Variants in ADGRB1 observed in about 807,000 individuals in gnomAD.
ADGRB1 encodes brain-specific angiogenesis inhibitor 1.
In ADGRB1, 36 loss-of-function variants were observed where a neutral mutation model predicts 175.7. That is an observed-to-expected ratio of 0.20 (90% CI 0.16 to 0.27). The LOEUF (loss-of-function observed/expected upper bound fraction) is 0.27, where lower values mean the gene tolerates loss of function less well. ADGRB1 is among the 10% of genes least tolerant of loss of function. ADGRB1 has a pLI of 1.00. For synonymous variants in ADGRB1, 1,054 were observed against 979.4 expected, an observed-to-expected ratio of 1.08 and a Z score of -1.42; for missense variants, 1,731 against 2,255.3, an observed-to-expected ratio of 0.77 and a Z score of 4.71.
At chr8:142,528,878 C>A (rs1409059016) in intron 24 of ADGRB1, among the ~76,000 whole-genome samples, 1 of 152,240 alleles carries the variant, frequency 6.6e-6, no homozygotes, top group Non-Finnish European at 1.5e-5. Context: ...GGGCGTGGGG[C>A]CGGGCCTGGG....
chr8:142,488,217 C>T (rs1419478338), intron 13 of ADGRB1, 147 bp from the exon 14 acceptor site: 4 of 1,131,400 alleles, frequency 3.5e-6, no homozygotes, highest in Non-Finnish European at 3.8e-6. Flanking sequence ...GGGCAGATGG[C>T]CCCCACACTC....
chr8:142,544,241 A>T lies in ADGRB1; in HGVS notation c.4579A>T (p.Asn1527Tyr). The T allele has an allele frequency of 6.5e-7, 1 of 1,549,084 alleles. No individual in the cohort carries two copies. Among genetic ancestry groups the T allele is most frequent in the Non-Finnish European group, 8.7e-7 (1 of 1,146,672 alleles). ...GCAGCCGGAAAAGCAGCAGACGCCC[A>T]ACAAGAGGCCCTGGGAGAGCCTCCG... ...DSKPEKQQTP[N>Y]KRPWESLRKA... Residue 1527 changes from asparagine to tyrosine, a missense_variant, in exon 31 of 31, where the codon AAC becomes TAC. Asn to Tyr is a moderately radical substitution (Grantham distance 143). This residue lies in a region of ADGRB1 where 394 missense variants were observed against 410.2 expected (regional missense o/e 0.96). Coordinates refer to ENST00000517894, the MANE Select transcript of ADGRB1 (RefSeq NM_001702.3).
At position 142,454,489 on chromosome 8, in the gene ADGRB1, C is replaced by T. The variant is rs145313261; in HGVS notation, c.-220+4385C>T. On this transcript the variant is annotated intron_variant, in intron 1 of 30. Transcript: ENST00000517894. Reference sequence around the variant, plus strand: ...CCCGCGATGTGTGCCTGTCTACACACGCAGAGGGGAAGGAGCGGAGGTTCA... The same window carrying T: ...CCCGCGATGTGTGCCTGTCTACACATGCAGAGGGGAAGGAGCGGAGGTTCA... Among the ~76,000 whole-genome samples, 193 of 152,288 alleles carry T rather than the reference C, an allele frequency of 1.3e-3. 2 individuals are homozygous for T. The highest frequency in any genetic ancestry group is 4.4e-3 in the African/African-American group (184 of 41,546).
intron 4 of ADGRB1, 28 bp downstream of exon 4, chr8:142,476,723 G>A (rs1475997209): frequency 1.3e-6 from 2 of 1,521,514 alleles, no homozygotes; most frequent in Non-Finnish European, 1.8e-6. Flanking sequence ...GGGTGGGTGG[G>A]ACTAGGGCTT....
At chr8:142,517,351 C>T (rs549051077) in intron 18 of ADGRB1, among the ~76,000 whole-genome samples, 3 of 152,330 alleles carry the variant, frequency 2.0e-5, no homozygotes, top group South Asian at 2.1e-4. Flanking sequence ...CAGGTCACCC[C>T]GGCACCCGGA....
chr8:142,489,619 G>A (rs1225230528), intron 16 of ADGRB1, among the ~76,000 whole-genome samples, 181 bp downstream of exon 16: 1 of 152,106 alleles, frequency 6.6e-6, no homozygotes, highest in Admixed American at 6.5e-5. Flanking sequence ...TGACTTGCCC[G>A]GGGTCACACA....
intron 20 of ADGRB1, among the ~76,000 whole-genome samples, chr8:142,521,540 A>G (rs1843849757): frequency 6.6e-6 from 1 of 152,236 alleles, no homozygotes; most frequent in Non-Finnish European, 1.5e-5. Flanking sequence ...GCCTGGCCCC[A>G]GGGCCTGCCA....
At chr8:142,488,295 A>G in intron 13 of ADGRB1, 69 bp from the exon 14 acceptor site, 2 of 1,583,008 alleles carry the variant, frequency 1.3e-6, no homozygotes, top group Non-Finnish European at 1.7e-6. Context: ...CAACTCCCGC[A>G]GCTGAGGCCC....
At position 142,453,797 on chromosome 8, in the gene ADGRB1, A is replaced by G. The variant is rs1006286515; in HGVS notation, c.-220+3693A>G. ...CAAGGAGGCTCTGGGGAGTGCAAGA[A>G]GGCAACCTACAGAGGCCTAGAAGTG... is the stretch of plus-strand genomic sequence containing the variant. On this transcript the variant is annotated intron_variant, in intron 1 of 30. Coordinates refer to ENST00000517894, the MANE Select transcript of ADGRB1 (RefSeq NM_001702.3). 9.8e-5 allele frequency among the ~76,000 whole-genome samples: 15 copies of G among 152,346 alleles called. No individual in the cohort carries two copies. The East Asian group carries it at 2.9e-3, about 29-fold the overall frequency.
rs376662416 is a variant in ADGRB1, at chr8:142,484,640, C to T, written c.2200-16C>T. 7.5e-6 allele frequency: 12 copies of T among 1,598,600 alleles called. No individual in the cohort carries two copies. Among genetic ancestry groups the T allele is most frequent in the South Asian group, 1.1e-5 (1 of 88,552 alleles). ...TGGGGCCTCCTCCCTCGGCTGCTCA[C>T]CCCCCTGCCCTCCAGGCGGGCCCCA... is the stretch of plus-strand genomic sequence containing the variant. On this transcript the variant is annotated splice_polypyrimidine_tract_variant and intron_variant, in intron 12 of 30. Coordinates refer to ENST00000517894, the MANE Select transcript of ADGRB1 (RefSeq NM_001702.3).
rs912113898 is a variant in ADGRB1 at position 142,543,164 on chromosome 8, T to C, written c.4414-239T>C. 1.3e-5 allele frequency among the ~76,000 whole-genome samples: 2 copies of C among 151,944 alleles called. No homozygotes were observed. Among genetic ancestry groups the C allele is most frequent in the African/African-American group, 4.8e-5 (2 of 41,438 alleles). ...TTCAGGTCTCCTTGATCCTGGGGAG[T>C]GTGTCCCGGGTAGGCGAGCCGGACA... is the stretch of plus-strand genomic sequence containing the variant. On this transcript the variant is annotated intron_variant, in intron 28 of 30. Coordinates refer to ENST00000517894, the MANE Select transcript of ADGRB1 (RefSeq NM_001702.3). The surrounding 1 kb of genome is among the most constrained non-coding windows in gnomAD (Gnocchi z 4.4).
chr8:142,521,866 C>G (rs1397507739), intron 20 of ADGRB1, 99 bp from the exon 21 acceptor site: 1 of 1,403,516 alleles, frequency 7.1e-7, no homozygotes, highest in Non-Finnish European at 9.6e-7. Context: ...AGTGAGGGTG[C>G]TGGGTGCTGG....
At chr8:142,467,055 C>T (rs1840318048) in intron 2 of ADGRB1, among the ~76,000 whole-genome samples, 1 of 152,234 alleles carries the variant, frequency 6.6e-6, no homozygotes, top group Non-Finnish European at 1.5e-5. Context: ...TTGGAAAGAG[C>T]TGGCGGGACA....
At position 142,516,032 on chromosome 8, in the gene ADGRB1, G is replaced by A. The variant is rs144892358; in HGVS notation, c.2818-2106G>A. ...CAGTGCTTCTGCACACGAAGAGAAG[G>A]CGACTCTTGTTCCAGGGAGGCACAG... On this transcript the variant is annotated intron_variant, in intron 18 of 30. Coordinates refer to ENST00000517894, the MANE Select transcript of ADGRB1 (RefSeq NM_001702.3). Among the ~76,000 whole-genome samples the A allele has an allele frequency of 2.4e-3, 370 of 152,354 alleles. 2 individuals are homozygous for A. Among genetic ancestry groups the A allele is most frequent in the African/African-American group, 8.6e-3 (358 of 41,580 alleles).
chr8:142,466,364 G>A (rs564627449), intron 2 of ADGRB1, among the ~76,000 whole-genome samples: 1 of 152,240 alleles, frequency 6.6e-6, no homozygotes, highest in Non-Finnish European at 1.5e-5. Context: ...GCTGGAGCAT[G>A]GTTCTACCCA....
intron 13 of ADGRB1, among the ~76,000 whole-genome samples, chr8:142,485,067 G>A (rs548632653): frequency 6.6e-6 from 1 of 152,308 alleles, no homozygotes; most frequent in South Asian, 2.1e-4. Flanking sequence ...TGCCCTCCCT[G>A]TGGAGCTTTA....
chr8:142,461,575 T>C (rs1839972224), intron 1 of ADGRB1, among the ~76,000 whole-genome samples: 1 of 152,176 alleles, frequency 6.6e-6, no homozygotes, highest in African/African-American at 2.4e-5. Context: ...GGCTGGTCCT[T>C]GTACACCCCA....
Position 142,518,469 on chromosome 8 carries a change from A to G in ADGRB1, c.2921+228A>G, listed in dbSNP as rs1018158414. Among the ~76,000 whole-genome samples, 5 of 152,092 alleles carry G rather than the reference A, an allele frequency of 3.3e-5. No individual in the cohort carries two copies. In the South Asian group the frequency reaches 1.0e-3, roughly 32 times the overall value. On this transcript the variant is annotated intron_variant, in intron 19 of 30. Coordinates refer to ENST00000517894, the MANE Select transcript of ADGRB1 (RefSeq NM_001702.3). Reference sequence around the variant, plus strand: ...CATAATGTGTACATGCCGCACAAACACAGGGGGTGGGGCCTGGTTCCTCCC... The same window carrying G: ...CATAATGTGTACATGCCGCACAAACGCAGGGGGTGGGGCCTGGTTCCTCCC...
chr8:142,493,204 G>T lies in ADGRB1; in HGVS notation c.2675+2389G>T, dbSNP rs148760896. Among the ~76,000 whole-genome samples the T allele has an allele frequency of 6.6e-6, 1 of 152,170 alleles. No homozygotes were observed. Among genetic ancestry groups the T allele is most frequent in the Non-Finnish European group, 1.5e-5 (1 of 67,978 alleles). On this transcript the variant is annotated intron_variant, in intron 17 of 30. Coordinates refer to ENST00000517894, the MANE Select transcript of ADGRB1 (RefSeq NM_001702.3). The surrounding 1 kb of genome is among the most constrained non-coding windows in gnomAD (Gnocchi z 5.0). ...TGTCCTCCAGGGCAGCAGGCTGTGA[G>T]GGGCCTGTCCAGTGAGCCGGGACAA...
Sources: allele counts gnomAD v4.1 joint callset (sites outside exome capture counted in the v4.1 genomes callset), GRCh38; gene constraint gnomAD v4.1.1; regional missense constraint gnomAD v4.1.1; non-coding constraint Gnocchi (gnomAD v3.1); transcripts MANE v1.5; gene names NCBI Gene and HGNC (gene_info 2026-07-23, HGNC 2026-07-21).